BCO2: variants seen among roughly 807,000 people sequenced by gnomAD.
BCO2 encodes carotenoid-cleaving dioxygenase, mitochondrial.
BCO2 carries 56 observed loss-of-function variants against 65.8 expected under a neutral mutation model. The ratio of observed to expected loss-of-function variants is 0.85; its 90% CI spans 0.69 to 1.06. BCO2 has a LOEUF of 1.06. Among genes scored for constraint, BCO2 ranks in the 50% least tolerant of loss-of-function variants. The pLI is 0.00. For missense variants in BCO2, 675 were observed against 698.5 expected, an observed-to-expected ratio of 0.97 and a Z score of 0.38; for synonymous variants, 233 against 242.3, an observed-to-expected ratio of 0.96 and a Z score of 0.36.
chr11:112,213,541 T>G (rs1859572111), intron 8 of BCO2, among the ~76,000 whole-genome samples, 183 bp from the exon 9 acceptor site: 1 of 152,196 alleles, frequency 6.6e-6, no homozygotes, highest in African/African-American at 2.4e-5. Flanking sequence ...TGACTGTATC[T>G]CCAGTGTCTA....
Position 112,218,011 on chromosome 11 carries a change from A to G in BCO2, c.*137A>G. ...GCAGGGGTTAAAAAGCTACCTATTG[A>G]ATACTATGTTCCCTATTTGGGTGAT... On this transcript the variant is annotated 3_prime_UTR_variant, in exon 12 of 12. Coordinates refer to ENST00000357685, the MANE Select transcript of BCO2 (RefSeq NM_031938.7). 1.6e-6 allele frequency: 1 copy of G among 618,370 alleles called. No homozygotes were observed. The allele number at this position is 618,370 out of a possible 1,614,324, so 38.3% of individuals were successfully genotyped here. A position where few individuals can be genotyped will look rare whatever the true frequency, so the allele number is the denominator to read the frequency against.
intron 11 of BCO2, among the ~76,000 whole-genome samples, 190 bp from the exon 12 acceptor site, chr11:112,217,571 A>C (rs1473590495): frequency 6.6e-6 from 1 of 152,056 alleles, no homozygotes; most frequent in African/African-American, 2.4e-5. Flanking sequence ...CATGTTGCCG[A>C]GGCTGGTCTT....
chr11:112,213,604 T>A, intron 8 of BCO2, 120 bp from the exon 9 acceptor site: 1 of 1,115,296 alleles, frequency 9.0e-7, no homozygotes, highest in Non-Finnish European at 1.3e-6. Flanking sequence ...GATGAATGAA[T>A]GGAAATTATC....
chr11:112,178,820 A>G lies in BCO2; in HGVS notation c.89-458A>G, dbSNP rs532852488. Among the ~76,000 whole-genome samples, 483 of 152,338 alleles carry G rather than the reference A, an allele frequency of 3.2e-3. 1 individual carries two copies. The highest frequency in any genetic ancestry group is 0.011 in the African/African-American group (465 of 41,570). The stretch of plus-strand genomic sequence containing the variant: ...CAGGAATCGCTATGAAGTCTTTGGA[A>G]TCACATTCTGGTATATCTAAATTAC... On this transcript the variant is annotated intron_variant, in intron 1 of 11. Transcript: ENST00000357685.
intron 8 of BCO2, among the ~76,000 whole-genome samples, chr11:112,207,281 T>TGCTATAGGTATTTTTCTA (rs1859373603): frequency 6.6e-6 from 1 of 152,192 alleles, no homozygotes; most frequent in African/African-American, 2.4e-5. Flanking sequence ...AATATAAAAT[T>TGCTATAGGTATTTTTCTA]GCTATAGGTA....
intron 2 of BCO2, chr11:112,181,928 G>T: frequency 1.6e-6 from 1 of 615,732 alleles, no homozygotes; most frequent in South Asian, 2.0e-5. Context: ...TCTGTTAATG[G>T]GAGAAAATTT....
chr11:112,184,003 C>T (rs943862427), intron 2 of BCO2, among the ~76,000 whole-genome samples: 1 of 152,194 alleles, frequency 6.6e-6, no homozygotes, highest in African/African-American at 2.4e-5. Context: ...TGTCTGTTTA[C>T]ACTATTAGCC....
At position 112,193,525 on chromosome 11, in the gene BCO2, A is replaced by G. The variant is rs772305242; in HGVS notation, c.345A>G (p.Ala115=). 1.9e-6 allele frequency: 3 copies of G among 1,614,088 alleles called. No homozygotes were observed. The highest frequency in any genetic ancestry group is 1.6e-4 in the Middle Eastern group (1 of 6,084). ...GMALLHQFRM[A]KGTVTYRSKF... Reference sequence around the variant, plus strand: ...CGCTGCTTCACCAGTTCAGAATGGCAAAGGGCACAGTGACATACAGGAGCA... The same window carrying G: ...CGCTGCTTCACCAGTTCAGAATGGCGAAGGGCACAGTGACATACAGGAGCA... The change falls in exon 3 of 12, where the codon GCA becomes GCG. Residue 115 remains alanine (A), a synonymous_variant. Coordinates refer to ENST00000357685, the MANE Select transcript of BCO2 (RefSeq NM_031938.7).
intron 2 of BCO2, among the ~76,000 whole-genome samples, chr11:112,187,909 T>C (rs1867247811): frequency 6.6e-6 from 1 of 152,134 alleles, no homozygotes; most frequent in Non-Finnish European, 1.5e-5. Flanking sequence ...GGGAAAAATA[T>C]TTCCTCGCAG....
In BCO2 at chr11:112,213,715, C is replaced by A. The variant is rs767616832; in HGVS notation, c.1195-9C>A. Reference sequence around the variant, plus strand: ...TGACAATTTTCATCTCTTTCTTCTTCCCAAACAGGTCCATAATTCAGCAGC... The same window carrying A: ...TGACAATTTTCATCTCTTTCTTCTTACCAAACAGGTCCATAATTCAGCAGC... On this transcript the variant is annotated splice_polypyrimidine_tract_variant and intron_variant, in intron 8 of 11. Transcript: ENST00000357685. 1.9e-6 allele frequency: 3 copies of A among 1,611,772 alleles called. No homozygotes were observed. Among genetic ancestry groups the A allele is most frequent in the Non-Finnish European group, 2.5e-6 (3 of 1,178,568 alleles).
At position 112,207,335 on chromosome 11, in the gene BCO2, A is replaced by G. The variant is rs150682836; in HGVS notation, c.1194+5145A>G. On this transcript the variant is annotated intron_variant, in intron 8 of 11. Transcript: ENST00000357685. ...TCAGATTATCCTAATAGTGCCTTTT[A>G]ATGAATAAACATTCTTAACTTAATA... Among the ~76,000 whole-genome samples the G allele has an allele frequency of 6.6e-5, 10 of 152,338 alleles. No homozygotes were observed. The East Asian group carries it at 1.9e-3, about 29-fold the overall frequency.
At position 112,202,066 on chromosome 11, in the gene BCO2, A is replaced by G. The variant is rs143616587; in HGVS notation, c.1070A>G (p.His357Arg). Residue 357 changes from histidine (H) to arginine (R), a missense_variant, in exon 8 of 12, where the codon CAT becomes CGT. Physicochemically the swap from His to Arg is conservative, Grantham distance 29. Transcript: ENST00000357685. The part of the protein sequence containing the change: ...RYYSKPFVTF[H>R]QINAFEDQGC... ...TACAGCAAACCTTTTGTTACATTTC[A>G]TCAAATCAATGCCTTTGAGGACCAG... 9,417 of 1,612,386 alleles carry G rather than the reference A, an allele frequency of 5.8e-3. 36 individuals carry two copies. The highest frequency in any genetic ancestry group is 6.7e-3 in the Non-Finnish European group (7,877 of 1,179,278).
chr11:112,204,634 G>A (rs1867821145), intron 8 of BCO2, among the ~76,000 whole-genome samples: 2 of 152,142 alleles, frequency 1.3e-5, no homozygotes, highest in Non-Finnish European at 2.9e-5. Flanking sequence ...TTAATGAATA[G>A]TAAATATATT....
At chr11:112,182,689 TG>T (rs915561190) in intron 2 of BCO2, among the ~76,000 whole-genome samples, 5 of 91,932 alleles carry the variant, frequency 5.4e-5, no homozygotes, top group African/African-American at 8.7e-5. Context: ...CATCACACAC[TG>T]GGGGGCCTGT....
In BCO2 at chr11:112,201,955, C is replaced by A. The variant is rs1046875702; in HGVS notation, c.1027-68C>A. 2.6e-5 allele frequency: 37 copies of A among 1,398,494 alleles called. No individual in the cohort carries two copies. In the East Asian group the frequency reaches 8.8e-4, roughly 33 times the overall value. 86.6% of individuals were successfully genotyped at this position (1,398,494 alleles called of 1,614,324 possible). ...TATTTTGAACTTTTTGGACCTGTTTCCTAAAGGAAAGGGAAAAAGAAGAAA... is the reference window on the plus strand; with the variant it reads ...TATTTTGAACTTTTTGGACCTGTTTACTAAAGGAAAGGGAAAAAGAAGAAA... On this transcript the variant is annotated intron_variant, in intron 7 of 11. Transcript: ENST00000357685.
At position 112,216,243 on chromosome 11, in the gene BCO2, T is replaced by A. The variant is rs770561943; in HGVS notation, c.1539T>A (p.Tyr513Ter). ...TLKVWREDGF[Y>*]PSEPVFVPAP... ...AGGTTTGGAGAGAAGATGGCTTTTA[T>A]CCCTCAGAACCTGTTTTTGTTCCAG... Residue 513 changes from tyrosine to a stop codon, truncating the protein, a stop_gained, in exon 11 of 12, where the codon TAT becomes TAA. Transcript: ENST00000357685. LOFTEE classifies it high-confidence loss of function. 6.2e-7 allele frequency: 1 copy of A among 1,614,152 alleles called. No homozygotes were observed. The highest frequency in any genetic ancestry group is 2.2e-5 in the East Asian group (1 of 44,874).
intron 8 of BCO2, 38 bp downstream of exon 8, chr11:112,202,228 T>C: frequency 6.4e-7 from 1 of 1,562,064 alleles, no homozygotes; most frequent in Non-Finnish European, 8.7e-7. Flanking sequence ...TCAAAATAAT[T>C]TTGAACTCCA....
intron 2 of BCO2, among the ~76,000 whole-genome samples, chr11:112,189,891 A>G (rs908540802): frequency 5.3e-5 from 8 of 152,238 alleles, no homozygotes; most frequent in Admixed American, 2.0e-4. Context: ...AAACTTCCCT[A>G]TTGTTTTTAT....
intron 7 of BCO2, among the ~76,000 whole-genome samples, chr11:112,201,223 C>T (rs1867722117): frequency 6.6e-6 from 1 of 151,946 alleles, no homozygotes; most frequent in Non-Finnish European, 1.5e-5. Context: ...TCTCAGCTCA[C>T]TGCAACCTCC....
Sources: gnomAD v4.1 joint callset for allele counts (sites outside exome capture counted in the v4.1 genomes callset) on GRCh38, gnomAD v4.1.1 for gene constraint, MANE v1.5 for transcripts, NCBI Gene and HGNC (gene_info 2026-07-23, HGNC 2026-07-21) for gene names.